Variants in SUPT3H observed in about 807,000 individuals in gnomAD.
The protein encoded by SUPT3H is transcription initiation protein SPT3 homolog.
Under a neutral mutation model 44.3 loss-of-function variants are expected in SUPT3H, and 44 were observed. That is an observed-to-expected ratio of 0.99 (90% CI 0.78 to 1.28). The LOEUF (loss-of-function observed/expected upper bound fraction) is 1.28. SUPT3H is among the 50% of genes most tolerant of loss of function. The pLI is 0.00. For missense variants in SUPT3H, 380 were observed against 387.1 expected (o/e 0.98, Z 0.15); for synonymous variants, 124 against 125.6 (o/e 0.99, Z 0.09).
intron 10 of SUPT3H, among the ~76,000 whole-genome samples, chr6:44,869,929 T>C (rs1776091626): frequency 6.6e-6 from 1 of 152,218 alleles, no homozygotes; most frequent in East Asian, 1.9e-4. Flanking sequence ...AAACAATATC[T>C]CTTTTCATTT....
chr6:45,279,724 T>G (rs1020192887), intron 2 of SUPT3H, among the ~76,000 whole-genome samples: 9 of 152,168 alleles, frequency 5.9e-5, no homozygotes, highest in Non-Finnish European at 1.2e-4. Flanking sequence ...GTTCACATAT[T>G]TCATTATAGT....
intron 2 of SUPT3H, among the ~76,000 whole-genome samples, chr6:45,264,140 A>C (rs1774864523): frequency 6.6e-6 from 1 of 152,220 alleles, no homozygotes; most frequent in African/African-American, 2.4e-5. Context: ...AATGAAAAAG[A>C]AATGAAAACA....
intron 9 of SUPT3H, among the ~76,000 whole-genome samples, chr6:44,936,405 G>C (rs977666534): frequency 6.6e-6 from 1 of 152,128 alleles, no homozygotes; most frequent in African/African-American, 2.4e-5. Flanking sequence ...GCATAGATTA[G>C]AGTGGTAAAG....
intron 2 of SUPT3H, among the ~76,000 whole-genome samples, chr6:45,150,720 GTT>G (rs11319902): frequency 1.0e-3 from 103 of 99,268 alleles, no homozygotes; most frequent in Middle Eastern, 7.4e-3. Flanking sequence ...TTTATTCTGC[GTT>G]TTTTTTTTTT....
intron 2 of SUPT3H, among the ~76,000 whole-genome samples, chr6:45,169,063 T>A (rs1810372752): frequency 6.6e-6 from 1 of 152,150 alleles, no homozygotes; most frequent in South Asian, 2.1e-4. Flanking sequence ...CAGAGAATTT[T>A]AAAAAGGGTG....
chr6:45,120,176 C>G (rs1235008590), intron 2 of SUPT3H, among the ~76,000 whole-genome samples: 1 of 151,144 alleles, frequency 6.6e-6, no homozygotes, highest in Admixed American at 6.6e-5. Context: ...AAACAAAAAA[C>G]AAACAAACAA....
At chr6:45,127,089 GC>G (rs2153581948) in intron 2 of SUPT3H, among the ~76,000 whole-genome samples, 1 of 152,268 alleles carries the variant, frequency 6.6e-6, no homozygotes, top group South Asian at 2.1e-4. Context: ...GCCAAGACGG[GC>G]AGATCATGAG....
At chr6:45,071,999 G>A (rs1794452919) in intron 3 of SUPT3H, among the ~76,000 whole-genome samples, 1 of 152,068 alleles carries the variant, frequency 6.6e-6, no homozygotes, top group South Asian at 2.1e-4. Flanking sequence ...GAAAAGTCTG[G>A]GTGAGTATGA....
intron 10 of SUPT3H, among the ~76,000 whole-genome samples, chr6:44,836,299 A>G (rs1769871632): frequency 6.6e-6 from 1 of 152,202 alleles, no homozygotes; most frequent in South Asian, 2.1e-4. Flanking sequence ...TATGATATAT[A>G]GCACTGTATA....
intron 2 of SUPT3H, among the ~76,000 whole-genome samples, chr6:45,295,019 A>G (rs2149886097): frequency 6.6e-6 from 1 of 152,260 alleles, no homozygotes; most frequent in Non-Finnish European, 1.5e-5. Context: ...ATATGGAAGC[A>G]AAAAAGAGCC....
chr6:45,359,166 A>G (rs1793803177), intron 2 of SUPT3H, among the ~76,000 whole-genome samples: 1 of 152,208 alleles, frequency 6.6e-6, no homozygotes, highest in African/African-American at 2.4e-5. Context: ...AAATAAAAAA[A>G]TCAATTATTT....
chr6:45,163,216 A>G (rs1056436769), intron 2 of SUPT3H, among the ~76,000 whole-genome samples: 2 of 152,172 alleles, frequency 1.3e-5, no homozygotes, highest in Non-Finnish European at 2.9e-5. Flanking sequence ...TAATGACTCA[A>G]AGTAATAATG....
intron 9 of SUPT3H, among the ~76,000 whole-genome samples, chr6:44,936,780 GC>G (rs1242899921): frequency 1.5e-4 from 23 of 152,228 alleles, no homozygotes; most frequent in African/African-American, 5.5e-4. Context: ...TGATTCTCAT[GC>G]ATAAGCCACC....
chr6:45,093,497 A>G lies in SUPT3H; in HGVS notation c.186+12425T>C, dbSNP rs73737882. Among the ~76,000 whole-genome samples, 1,312 of 152,292 alleles carry G rather than the reference A, an allele frequency of 8.6e-3. 24 individuals are homozygous for G. The highest frequency in any genetic ancestry group is 0.03 in the African/African-American group (1,236 of 41,584). ...AGTTATGGATAAAGAAAAGACATTC[A>G]AAGATCTTGGGAAAGGAACTGGAAA... On this transcript the variant is annotated intron_variant, in intron 3 of 10. Coordinates refer to ENST00000371459, the MANE Select transcript of SUPT3H (RefSeq NM_003599.4).
chr6:45,062,653 C>A (rs1206102591), intron 3 of SUPT3H, among the ~76,000 whole-genome samples: 1 of 152,184 alleles, frequency 6.6e-6, no homozygotes, highest in African/African-American at 2.4e-5. Context: ...ACCTGGGAAG[C>A]GCGAGGGGTC....
At chr6:44,913,640 A>G (rs913755202) in intron 10 of SUPT3H, among the ~76,000 whole-genome samples, 2 of 152,170 alleles carry the variant, frequency 1.3e-5, no homozygotes, top group Non-Finnish European at 2.9e-5. Flanking sequence ...AATGTATAAT[A>G]AAAATGTGTC....
In SUPT3H at chr6:45,204,100, C is replaced by T. The variant is rs540676966; in HGVS notation, c.102-98094G>A. Among the ~76,000 whole-genome samples, 12 of 151,662 alleles carry T rather than the reference C, an allele frequency of 7.9e-5. No homozygotes were observed. The East Asian group carries it at 1.4e-3, about 17-fold the overall frequency. On this transcript the variant is annotated intron_variant, in intron 2 of 10. Coordinates refer to ENST00000371459, the MANE Select transcript of SUPT3H (RefSeq NM_003599.4). ...CATCTCTACTAAAAATACAAAAATT[C>T]GCCGGGTGTGGTGGTGCATGCCTAT...
At position 45,007,906 on chromosome 6, in the gene SUPT3H, C is replaced by A. The variant is rs190582204; in HGVS notation, c.365-4114G>T. 2.6e-5 allele frequency among the ~76,000 whole-genome samples: 4 copies of A among 152,174 alleles called. No individual in the cohort carries two copies. In the East Asian group the frequency reaches 7.7e-4, roughly 29 times the overall value. On this transcript the variant is annotated intron_variant, in intron 5 of 10. Coordinates refer to ENST00000371459, the MANE Select transcript of SUPT3H (RefSeq NM_003599.4). Reference sequence around the variant, plus strand: ...CTCCATCTCTTTAGATTTGCCTATTCCAGACATTTCATATAAATAGAATAA... The same window carrying A: ...CTCCATCTCTTTAGATTTGCCTATTACAGACATTTCATATAAATAGAATAA...
Position 45,078,814 on chromosome 6 carries a change from T to C in SUPT3H, c.186+27108A>G, listed in dbSNP as rs868239760. 3.9e-5 allele frequency among the ~76,000 whole-genome samples: 6 copies of C among 152,334 alleles called. No individual in the cohort carries two copies. The East Asian group carries it at 1.2e-3, about 29-fold the overall frequency. Reference sequence around the variant, plus strand: ...AAGTTTATGTTGGTAAATATACGGATAGTCTAATGGAAATTCCCTTATATG... The same window carrying C: ...AAGTTTATGTTGGTAAATATACGGACAGTCTAATGGAAATTCCCTTATATG... On this transcript the variant is annotated intron_variant, in intron 3 of 10. Coordinates refer to ENST00000371459, the MANE Select transcript of SUPT3H (RefSeq NM_003599.4).
Sources: allele counts gnomAD v4.1 joint callset (sites outside exome capture counted in the v4.1 genomes callset), GRCh38; gene constraint gnomAD v4.1.1; transcripts MANE v1.5; gene names NCBI Gene and HGNC (gene_info 2026-07-23, HGNC 2026-07-21).